Variants in NR1I2 observed in about 807,000 individuals in gnomAD.
NR1I2 encodes the protein orphan nuclear receptor PAR1.
Under a neutral mutation model 43.3 loss-of-function variants are expected in NR1I2, and 42 were observed. The observed-to-expected ratio is 0.97, with a 90% CI of 0.76 to 1.26. NR1I2 has a LOEUF of 1.26. NR1I2 is among the 50% of genes most tolerant of loss of function. The pLI is 0.00. For missense variants in NR1I2, 559 were observed against 566.7 expected (o/e 0.99, Z 0.14); for synonymous variants, 229 against 215.0 (o/e 1.06, Z -0.57).
In NR1I2 at chr3:119,799,152, C is replaced by T. The variant is rs1340584522; in HGVS notation, c.-22-8077C>T. Among the ~76,000 whole-genome samples the T allele has an allele frequency of 2.0e-5, 3 of 152,196 alleles. No homozygotes were observed. In the East Asian group the frequency reaches 5.8e-4, roughly 29 times the overall value. On this transcript the variant is annotated intron_variant, in intron 1 of 8. Transcript: ENST00000393716. ...TAAGTGGCTGCACCATTTTACACTC[C>T]TGCTAGCAGTGCATAAGGGCTCAGT...
intron 1 of NR1I2, among the ~76,000 whole-genome samples, chr3:119,798,626 A>T (rs72554016): frequency 0.076 from 10,723 of 140,852 alleles, 898 homozygotes; most frequent in African/African-American, 0.21. Context: ...GGCGACAAAG[A>T]GAGACTCCGT....
Position 119,802,097 on chromosome 3 carries a change from G to T in NR1I2, c.-22-5132G>T, listed in dbSNP as rs571352413. ...CATCCTAGACTCATTATGGGAGGGG[G>T]CTGCACAAGGGTGTGAATCTTTCGG... is the stretch of plus-strand genomic sequence containing the variant. On this transcript the variant is annotated intron_variant, in intron 1 of 8. Coordinates refer to ENST00000393716, the MANE Select transcript of NR1I2 (RefSeq NM_003889.4). Among the ~76,000 whole-genome samples, 5 of 152,252 alleles carry T rather than the reference G, an allele frequency of 3.3e-5. No individual in the cohort carries two copies. In the South Asian group the frequency reaches 1.0e-3, roughly 32 times the overall value.
intron 1 of NR1I2, chr3:119,792,610 TAAC>T: frequency 1.6e-6 from 1 of 621,686 alleles, no homozygotes; most frequent in Non-Finnish European, 2.9e-6. Flanking sequence ...CAGTGATTCT[TAAC>T]ACTGCCTTCC....
At chr3:119,796,399 T>C (rs947311444) in intron 1 of NR1I2, among the ~76,000 whole-genome samples, 3 of 152,308 alleles carry the variant, frequency 2.0e-5, no homozygotes, top group East Asian at 1.9e-4. Context: ...CTGTCTTCCA[T>C]TGGTCATGTT....
At chr3:119,807,703 A>G (rs944885380) in intron 2 of NR1I2, among the ~76,000 whole-genome samples, 3 of 152,250 alleles carry the variant, frequency 2.0e-5, no homozygotes, top group African/African-American at 7.2e-5. Flanking sequence ...ATAAAATGGA[A>G]AATGACTCAG....
Position 119,811,541 on chromosome 3 carries a change from A to G in NR1I2, c.334A>G (p.Ile112Val), listed in dbSNP as rs1413944791. The stretch of plus-strand genomic sequence containing the variant: ...AGCCAGCCTCACTGTCCCTGCAGTG[A>G]TCATGTCCGACGAGGCCGTGGAGGA... The change falls in exon 4 of 9, where the codon ATC becomes GTC. Residue 112 changes from isoleucine to valine, a missense_variant and splice_region_variant. By Grantham distance (29) the Ile-to-Val change is conservative (BLOSUM62 3). Coordinates refer to ENST00000393716, the MANE Select transcript of NR1I2 (RefSeq NM_003889.4). 1.9e-6 allele frequency: 3 copies of G among 1,611,952 alleles called. No homozygotes were observed. Among genetic ancestry groups the G allele is most frequent in the East Asian group, 4.5e-5 (2 of 44,840 alleles).
chr3:119,815,903 A>G (rs182015470), intron 8 of NR1I2, 72 bp downstream of exon 8: 141 of 1,289,340 alleles, frequency 1.1e-4, no homozygotes, highest in Non-Finnish European at 1.4e-4. Flanking sequence ...ATTGCCCAAG[A>G]CTTCATGGCC....
intron 1 of NR1I2, chr3:119,792,439 G>A: frequency 8.5e-7 from 1 of 1,177,346 alleles, no homozygotes; most frequent in Non-Finnish European, 1.3e-6. Flanking sequence ...GGGACGGCCT[G>A]ATGGAGCTGT....
At chr3:119,790,341 C>G (rs546759173) in intron 1 of NR1I2, among the ~76,000 whole-genome samples, 1 of 152,274 alleles carries the variant, frequency 6.6e-6, no homozygotes, top group South Asian at 2.1e-4. Flanking sequence ...TACATTTTGT[C>G]TATTGCGAAT....
At position 119,810,115 on chromosome 3, in the gene NR1I2, C is replaced by A. The variant is rs1343552901; in HGVS notation, c.252C>A (p.Cys84Ter). ...GGTGCCCCTTCCGGAAGGGCGCCTG[C>A]GAGATCACCCGGAAGACCCGGCGAC... is the stretch of plus-strand genomic sequence containing the variant. The change falls in exon 3 of 9, where the codon TGC (cysteine) becomes TGA (stop). Residue 84 changes from cysteine to a stop codon, truncating the protein, a stop_gained. Coordinates refer to ENST00000393716, the MANE Select transcript of NR1I2 (RefSeq NM_003889.4). LOFTEE classifies it high-confidence loss of function. 6.2e-7 allele frequency: 1 copy of A among 1,613,672 alleles called. No homozygotes were observed. The highest frequency in any genetic ancestry group is 1.1e-5 in the South Asian group (1 of 91,086).
chr3:119,790,270 A>G (rs977037950), intron 1 of NR1I2, among the ~76,000 whole-genome samples: 1 of 152,088 alleles, frequency 6.6e-6, no homozygotes, highest in Admixed American at 6.6e-5. Context: ...CTCATATTCT[A>G]TTGTAGTATG....
Position 119,807,365 on chromosome 3 carries a change from CA to C in NR1I2, c.118del (p.Ile40SerfsTer17). The C allele has an allele frequency of 6.2e-7, 1 of 1,614,232 alleles. No individual in the cohort carries two copies. Among genetic ancestry groups the C allele is most frequent in the Non-Finnish European group, 8.5e-7 (1 of 1,180,044 alleles). ...CGCAGATGAGGAAGTCGGAGGTCCC[CA>C]AATCTGCCGTGTATGTGGGGACAAG... On this transcript the variant is annotated frameshift_variant, in exon 2 of 9. Transcript: ENST00000393716. LOFTEE classifies it high-confidence loss of function.
In NR1I2 at chr3:119,817,055, G is replaced by T; in HGVS notation, c.1161-13G>T. 1 of 1,614,122 alleles carries T rather than the reference G, an allele frequency of 6.2e-7. No individual in the cohort carries two copies. Among genetic ancestry groups the T allele is most frequent in the Non-Finnish European group, 8.5e-7 (1 of 1,180,018 alleles). ...GGGCTGCACCCACAATCTTTTCTCT[G>T]GCTGGCATGCAGGTTCTTGTTCCTG... On this transcript the variant is annotated splice_polypyrimidine_tract_variant and intron_variant, in intron 8 of 8. Coordinates refer to ENST00000393716, the MANE Select transcript of NR1I2 (RefSeq NM_003889.4).
chr3:119,811,341 C>A (rs1030054566), intron 3 of NR1I2, 198 bp from the exon 4 acceptor site: 1 of 593,114 alleles, frequency 1.7e-6, no homozygotes. Context: ...CTCACCTCAT[C>A]TCTGTCCTCA....
intron 7 of NR1I2, 28 bp from the exon 8 acceptor site, chr3:119,815,698 T>A: frequency 1.3e-6 from 2 of 1,581,606 alleles, no homozygotes; most frequent in Non-Finnish European, 1.7e-6. Flanking sequence ...TGCCCCATGA[T>A]CTTGCACCAC....
chr3:119,789,733 G>T (rs2054891526), intron 1 of NR1I2, among the ~76,000 whole-genome samples: 1 of 152,086 alleles, frequency 6.6e-6, no homozygotes, highest in Admixed American at 6.5e-5. Context: ...CAGCTTCCCT[G>T]TCCTGCCTTC....
intron 3 of NR1I2, 53 bp from the exon 4 acceptor site, chr3:119,811,486 C>T (rs981400014): frequency 4.5e-6 from 7 of 1,545,722 alleles, no homozygotes; most frequent in Non-Finnish European, 6.1e-6. Flanking sequence ...CTCCAGGGGG[C>T]TGGAGGCTCA....
At chr3:119,784,559 G>A (rs1042093475) in intron 1 of NR1I2, among the ~76,000 whole-genome samples, 13 of 152,174 alleles carry the variant, frequency 8.5e-5, no homozygotes, top group Non-Finnish European at 1.8e-4. Flanking sequence ...AGTTGAATCT[G>A]TTAGTTTCCC....
chr3:119,790,697 T>C (rs2054905755), intron 1 of NR1I2, among the ~76,000 whole-genome samples: 1 of 152,370 alleles, frequency 6.6e-6, no homozygotes, highest in African/African-American at 2.4e-5. Flanking sequence ...CAAGTGATGT[T>C]CTTTTAAATG....
Sources: gnomAD v4.1 joint callset for allele counts (sites outside exome capture counted in the v4.1 genomes callset) on GRCh38, gnomAD v4.1.1 for gene constraint, MANE v1.5 for transcripts, NCBI Gene and HGNC (gene_info 2026-07-23, HGNC 2026-07-21) for gene names.